KHDRBS2: variants seen among roughly 807,000 people sequenced by gnomAD.
The protein encoded by KHDRBS2 is KH RNA binding domain containing, signal transduction associated 2, also known as KH domain-containing, RNA-binding, signal transduction-associated protein 2.
In KHDRBS2, 26 loss-of-function variants were observed where a neutral mutation model predicts 44.3. The observed-to-expected ratio is 0.59, with a 90% CI of 0.43 to 0.81. KHDRBS2 has a LOEUF of 0.81. KHDRBS2 is among the 40% of genes least tolerant of loss of function. KHDRBS2 has a pLI of 0.00. For synonymous variants in KHDRBS2, 194 were observed against 151.1 expected (o/e 1.28, Z -2.08); for missense variants, 476 against 433.1 (o/e 1.10, Z -0.88).
chr6:61,757,607 A>G (rs1195632889), intron 6 of KHDRBS2, among the ~76,000 whole-genome samples: 2 of 152,258 alleles, frequency 1.3e-5, no homozygotes, highest in African/African-American at 4.8e-5. Context: ...TAAAACTATC[A>G]TCTCGCTATT....
chr6:61,981,662 T>A (rs1299336741), intron 3 of KHDRBS2, among the ~76,000 whole-genome samples: 1 of 152,172 alleles, frequency 6.6e-6, no homozygotes, highest in Non-Finnish European at 1.5e-5. Context: ...AAAATCAAAT[T>A]CTAAATGAAG....
At chr6:62,089,584 G>A (rs540812740) in intron 2 of KHDRBS2, among the ~76,000 whole-genome samples, 1 of 152,156 alleles carries the variant, frequency 6.6e-6, no homozygotes, top group South Asian at 2.1e-4. Context: ...CCAATGAGAT[G>A]AACCGTGTAC....
intron 2 of KHDRBS2, among the ~76,000 whole-genome samples, chr6:62,081,121 T>C (rs947672346): frequency 3.3e-5 from 5 of 152,096 alleles, no homozygotes; most frequent in Non-Finnish European, 7.4e-5. Context: ...TCTGAATATA[T>C]CTAGGAAGAA....
At chr6:62,037,324 A>G (rs963892032) in intron 3 of KHDRBS2, among the ~76,000 whole-genome samples, 1 of 151,916 alleles carries the variant, frequency 6.6e-6, no homozygotes, top group African/African-American at 2.4e-5. Flanking sequence ...AAAGGACTCG[A>G]TTTGAGTGAA....
intron 3 of KHDRBS2, among the ~76,000 whole-genome samples, chr6:61,991,973 C>G (rs1049959149): frequency 6.6e-6 from 1 of 152,192 alleles, no homozygotes; most frequent in African/African-American, 2.4e-5. Context: ...ATGCATTATG[C>G]TGTTCATCAG....
At chr6:61,583,253 G>A in the KHDRBS2 span, among the ~76,000 whole-genome samples, 3,677 of 151,666 alleles carry the variant, frequency 0.024, 70 homozygotes, top group Middle Eastern at 0.086. Context: ...TTTGTTTCTA[G>A]CTTATTTCAT....
At chr6:61,577,260 G>C in the KHDRBS2 span, among the ~76,000 whole-genome samples, 1 of 151,848 alleles carries the variant, frequency 6.6e-6, no homozygotes, top group South Asian at 2.1e-4. Flanking sequence ...CTTTACAAAT[G>C]CTGCAGGTTG....
chr6:61,988,231 G>A (rs907060304), intron 3 of KHDRBS2, among the ~76,000 whole-genome samples: 1 of 152,164 alleles, frequency 6.6e-6, no homozygotes, highest in Admixed American at 6.5e-5. Flanking sequence ...GATATAGTAA[G>A]AGCAGCTGTT....
At chr6:61,626,698 G>GA in the KHDRBS2 span, among the ~76,000 whole-genome samples, 32 of 152,292 alleles carry the variant, frequency 2.1e-4, no homozygotes, top group Non-Finnish European at 3.4e-4. Flanking sequence ...GATTTATTTA[G>GA]AAAAATATGC....
intron 4 of KHDRBS2, among the ~76,000 whole-genome samples, chr6:61,961,627 G>C (rs555312346): frequency 6.6e-6 from 1 of 152,160 alleles, no homozygotes; most frequent in South Asian, 2.1e-4. Context: ...ATGGAGACTT[G>C]TGGGGAGGCT....
At chr6:61,601,799 C>A in the KHDRBS2 span, among the ~76,000 whole-genome samples, 3 of 152,108 alleles carry the variant, frequency 2.0e-5, no homozygotes, top group African/African-American at 7.2e-5. Flanking sequence ...GCTCTCCCAC[C>A]CTATAATCCT....
the KHDRBS2 span, among the ~76,000 whole-genome samples, chr6:61,634,848 T>C: frequency 3.3e-5 from 5 of 152,190 alleles, no homozygotes; most frequent in East Asian, 9.6e-4. Context: ...ACTTAAAAAT[T>C]GCTTTTGATA....
the KHDRBS2 span, among the ~76,000 whole-genome samples, chr6:61,583,453 A>G: frequency 6.6e-6 from 1 of 151,764 alleles, no homozygotes; most frequent in Non-Finnish European, 1.5e-5. Context: ...TTCTTTTTAT[A>G]TGGATATCAT....
At chr6:61,869,981 T>G (rs520050) in intron 6 of KHDRBS2, among the ~76,000 whole-genome samples, 2 of 147,154 alleles carry the variant, frequency 1.4e-5, no homozygotes, top group Non-Finnish European at 1.5e-5. Flanking sequence ...TTTTTTTTTT[T>G]TTTTTTCCCC....
the KHDRBS2 span, among the ~76,000 whole-genome samples, chr6:61,574,894 G>A: frequency 2.6e-5 from 4 of 152,040 alleles, no homozygotes; most frequent in African/African-American, 9.7e-5. Flanking sequence ...GGCAACAAGG[G>A]CGAAATACCA....
At chr6:61,610,960 A>C in the KHDRBS2 span, among the ~76,000 whole-genome samples, 459 of 152,322 alleles carry the variant, frequency 3.0e-3, 4 homozygotes, top group African/African-American at 0.011. Flanking sequence ...TTAATACTGA[A>C]GAAGGCCCCT....
intron 2 of KHDRBS2, among the ~76,000 whole-genome samples, chr6:62,050,668 T>C (rs1438714762): frequency 6.6e-6 from 1 of 152,016 alleles, no homozygotes; most frequent in Non-Finnish European, 1.5e-5. Context: ...GATGAAGATG[T>C]GTAATTACTA....
At chr6:61,589,609 A>C in the KHDRBS2 span, among the ~76,000 whole-genome samples, 1 of 152,158 alleles carries the variant, frequency 6.6e-6, no homozygotes, top group South Asian at 2.1e-4. Flanking sequence ...CCTTCTTACT[A>C]TTTGGATATA....
the KHDRBS2 span, among the ~76,000 whole-genome samples, chr6:61,544,555 G>T: frequency 2.0e-5 from 3 of 152,114 alleles, no homozygotes; most frequent in African/African-American, 7.2e-5. Context: ...TTTAACTGGG[G>T]AAAGTGGTAG....
Sources: allele counts gnomAD v4.1 joint callset (sites outside exome capture counted in the v4.1 genomes callset), GRCh38; gene constraint gnomAD v4.1.1; transcripts MANE v1.5; gene names NCBI Gene and HGNC (gene_info 2026-07-23, HGNC 2026-07-21).